Variants in DACH2 observed in about 807,000 individuals in gnomAD.
DACH2 encodes dachshund homolog 2.
DACH2 carries 17 observed loss-of-function variants against 35.8 expected under a neutral mutation model. The ratio of observed to expected loss-of-function variants is 0.48; its 90% CI spans 0.33 to 0.71. DACH2 has a LOEUF of 0.71. Among genes scored for constraint, DACH2 ranks in the 30% least tolerant of loss-of-function variants. DACH2 has a pLI of 0.02. For synonymous variants in DACH2, 195 were observed against 177.3 expected (o/e 1.10, Z -0.79); for missense variants, 469 against 472.7 (o/e 0.99, Z 0.07).
chrX:86,520,963 G>C (rs1251862132), intron 3 of DACH2, among the ~76,000 whole-genome samples: 1 of 111,454 alleles, frequency 9.0e-6, no homozygotes, highest in East Asian at 2.8e-4. Flanking sequence ...TTGCTATTAT[G>C]TTGGCTTGTT....
chrX:86,293,164 C>G (rs1429609611), intron 1 of DACH2, among the ~76,000 whole-genome samples: 1 of 103,120 alleles, frequency 9.7e-6, no homozygotes, highest in Non-Finnish European at 2.0e-5. Flanking sequence ...TGAATTGATC[C>G]CTTTACCATT....
chrX:86,383,014 C>T (rs2036069906), intron 2 of DACH2, among the ~76,000 whole-genome samples: 1 of 110,585 alleles, frequency 9.0e-6, no homozygotes, highest in Non-Finnish European at 1.9e-5. Flanking sequence ...TATTGCATTG[C>T]TTCCACTAGT....
At chrX:86,359,671 C>A (rs1034219812) in intron 1 of DACH2, among the ~76,000 whole-genome samples, 2 of 110,789 alleles carry the variant, frequency 1.8e-5, no homozygotes, top group African/African-American at 6.6e-5. Flanking sequence ...ATCGCTTGAG[C>A]CCAGCTGGTC....
intron 2 of DACH2, among the ~76,000 whole-genome samples, chrX:86,398,744 C>G (rs1329848275): frequency 2.2e-4 from 25 of 111,971 alleles, no homozygotes; most frequent in African/African-American, 5.8e-4. Flanking sequence ...ATTGCACAGT[C>G]ATCTGAGAGA....
rs558845398 is a variant in DACH2 at position 86,214,222 on chromosome X, G to A, written c.488+65114G>A. 1.9e-3 allele frequency among the ~76,000 whole-genome samples: 211 copies of A among 111,416 alleles called. 2 individuals carry two copies. In the Middle Eastern group the frequency reaches 0.023, roughly 12 times the overall value. On this transcript the variant is annotated intron_variant, in intron 1 of 11. Transcript: ENST00000373125. The stretch of plus-strand genomic sequence containing the variant: ...CTCATTTTCTTTTTAAAGTTGTATG[G>A]TATGATGTTATTCTCCTTAAGAATC...
At chrX:86,632,780 C>A (rs1450233085) in intron 3 of DACH2, among the ~76,000 whole-genome samples, 1 of 110,446 alleles carries the variant, frequency 9.1e-6, no homozygotes, top group Non-Finnish European at 1.9e-5. Flanking sequence ...GAAATCAACA[C>A]CAAGAGGAAT....
At chrX:86,775,674 A>G (rs1237823476) in intron 7 of DACH2, among the ~76,000 whole-genome samples, 1 of 111,974 alleles carries the variant, frequency 8.9e-6, no homozygotes. Context: ...TAAGCAGAAC[A>G]AAACAATAGA....
chrX:86,381,349 G>A (rs1303495390), intron 2 of DACH2, among the ~76,000 whole-genome samples: 2 of 111,063 alleles, frequency 1.8e-5, no homozygotes, highest in African/African-American at 6.5e-5. Context: ...ACTTAGCACA[G>A]ATAAAAATAT....
chrX:86,556,602 A>C (rs1372067134), intron 3 of DACH2, among the ~76,000 whole-genome samples: 1 of 107,392 alleles, frequency 9.3e-6, no homozygotes, highest in African/African-American at 3.4e-5. Flanking sequence ...ACCTTTAGCC[A>C]GATTTTGAAC....
At chrX:86,408,051 C>T (rs1457320043) in intron 2 of DACH2, among the ~76,000 whole-genome samples, 1 of 110,784 alleles carries the variant, frequency 9.0e-6, no homozygotes, top group Non-Finnish European at 1.9e-5. Flanking sequence ...CCTTTCACCA[C>T]GCTGCTTGGC....
At chrX:86,640,142 C>G (rs1239723210) in intron 3 of DACH2, among the ~76,000 whole-genome samples, 1 of 110,704 alleles carries the variant, frequency 9.0e-6, no homozygotes, top group Non-Finnish European at 1.9e-5. Context: ...CGTGCCTGTT[C>G]CCATATCTCC....
At chrX:86,710,554 T>C (rs2041267466) in intron 5 of DACH2, among the ~76,000 whole-genome samples, 1 of 112,069 alleles carries the variant, frequency 8.9e-6, no homozygotes, top group Non-Finnish European at 1.9e-5. Context: ...CTAAGACTGC[T>C]CTAAAACTAG....
rs146446627 is a variant in DACH2, at chrX:86,548,922, G to A, written c.640+34531G>A. Among the ~76,000 whole-genome samples the A allele has an allele frequency of 8.3e-3, 932 of 111,992 alleles. 7 individuals are homozygous for A. Among genetic ancestry groups the A allele is most frequent in the Middle Eastern group, 0.018 (4 of 217 alleles). On this transcript the variant is annotated intron_variant, in intron 3 of 11. Coordinates refer to ENST00000373125, the MANE Select transcript of DACH2 (RefSeq NM_053281.3). ...CTTGAGACCAATGTTTTAAAGAATAGCAAATATTTGCTTATATTTCCATGA... is the reference window on the plus strand; with the variant it reads ...CTTGAGACCAATGTTTTAAAGAATAACAAATATTTGCTTATATTTCCATGA...
chrX:86,658,846 G>A (rs1007082358), intron 4 of DACH2, among the ~76,000 whole-genome samples: 2 of 111,432 alleles, frequency 1.8e-5, no homozygotes, highest in African/African-American at 3.3e-5. Context: ...CTTATTTCAG[G>A]AAGAACTATG....
Position 86,161,246 on chromosome X carries a change from A to G in DACH2, c.488+12138A>G, listed in dbSNP as rs2030745098. The G allele has an allele frequency of 3.4e-6, 4 of 1,193,109 alleles. No homozygotes were observed. In the East Asian group the frequency reaches 1.2e-4, roughly 35 times the overall value. On this transcript the variant is annotated intron_variant, in intron 1 of 11. Coordinates refer to ENST00000373125, the MANE Select transcript of DACH2 (RefSeq NM_053281.3). The stretch of plus-strand genomic sequence containing the variant: ...CATCCAGTGTGTAAGCCAGAAGGGC[A>G]TGCTCACTGGTCTGCCCATTCTTGG...
chrX:86,336,426 C>T (rs1480843013), intron 1 of DACH2, among the ~76,000 whole-genome samples: 1 of 111,898 alleles, frequency 8.9e-6, no homozygotes, highest in African/African-American at 3.3e-5. Flanking sequence ...GTTCTGCAGC[C>T]TCTGCTGGTG....
intron 1 of DACH2, chrX:86,345,551 A>G (rs915169073): frequency 1.6e-5 from 3 of 186,738 alleles, no homozygotes; most frequent in Non-Finnish European, 3.0e-5. Context: ...GTACAGAAAA[A>G]GAAATGAAAC....
chrX:86,739,166 G>A (rs1451335163), intron 6 of DACH2, among the ~76,000 whole-genome samples: 1 of 111,942 alleles, frequency 8.9e-6, no homozygotes, highest in Non-Finnish European at 1.9e-5. Flanking sequence ...GAGCCACCAT[G>A]CCCAGCCTAT....
intron 3 of DACH2, among the ~76,000 whole-genome samples, chrX:86,632,766 A>G (rs1372775868): frequency 1.8e-5 from 2 of 111,267 alleles, no homozygotes; most frequent in African/African-American, 6.5e-5. Context: ...CTCAGAGAAA[A>G]CTAGAAATCA....
Sources: allele counts gnomAD v4.1 joint callset (sites outside exome capture counted in the v4.1 genomes callset), GRCh38; gene constraint gnomAD v4.1.1; transcripts MANE v1.5; gene names NCBI Gene and HGNC (gene_info 2026-07-23, HGNC 2026-07-21).